Variants in RDH13 observed in about 807,000 individuals in gnomAD.
RDH13 encodes retinol dehydrogenase 13 (all-trans and 9-cis).
Under a neutral mutation model 28.3 loss-of-function variants are expected in RDH13, and 35 were observed. The observed-to-expected ratio is 1.24, with a 90% CI of 0.95 to 1.64. The LOEUF is 1.64. Ranked by LOEUF, RDH13 falls within the 40% of genes most tolerant of loss-of-function variation. RDH13 has a pLI of 0.00. For missense variants in RDH13, 514 were observed against 446.3 expected (o/e 1.15, Z -1.37); for synonymous variants, 229 against 198.5 (o/e 1.15, Z -1.29).
rs891311700 is a variant in RDH13 at position 55,060,154 on chromosome 19, A to G, written c.66-879T>C. ...CTGTGCTGAGGTGGATTGGTAAAAG[A>G]GGAAAGCCTCTTGCAGTTGAGAGAG... On this transcript the variant is annotated intron_variant, in intron 1 of 6. Transcript: ENST00000415061. 2.9e-4 allele frequency among the ~76,000 whole-genome samples: 41 copies of G among 141,008 alleles called. 1 individual carries two copies. Among genetic ancestry groups the G allele is most frequent in the African/African-American group, 1.0e-3 (39 of 38,204 alleles). 92.5% of individuals were successfully genotyped at this position (141,008 alleles called of 152,430 possible). A position where few individuals can be genotyped will look rare whatever the true frequency, so the allele number is the denominator to read the frequency against.
chr19:55,047,456 C>T lies in RDH13; in HGVS notation c.691G>A (p.Gly231Ser), dbSNP rs767663262. Residue 231 changes from glycine to serine, a missense_variant, in exon 6 of 7, where the codon GGC (glycine) becomes AGC (serine). Transcript: ENST00000415061. ...CTGCCCAGCTCTGTCCTGGCCACGC[C>T]GGGGTGCAGGGCGTTGACAGTCACA... ...SGVTVNALHP[G>S]VARTELGRHT... The T allele has an allele frequency of 2.7e-5, 44 of 1,609,832 alleles. No homozygotes were observed. Among genetic ancestry groups the T allele is most frequent in the African/African-American group, 4.0e-5 (3 of 74,894 alleles).
At position 55,063,119 on chromosome 19, in the gene RDH13, C is replaced by G; in HGVS notation, c.-87G>C. The G allele has an allele frequency of 2.5e-6, 3 of 1,178,980 alleles. No individual in the cohort carries two copies. Among genetic ancestry groups the G allele is most frequent in the Non-Finnish European group, 3.3e-6 (3 of 921,606 alleles). The allele number at this position is 1,178,980 out of a possible 1,614,324, so 73.0% of individuals were successfully genotyped here. ...GCCTGGGTAGCTCCGAGGAAGAGCG[C>G]GCGACGCAGCCACAGGCGAGCGGAG... On this transcript the variant is annotated 5_prime_UTR_variant, in exon 1 of 7. Transcript: ENST00000415061.
chr19:55,056,372 C>T (rs369962531), intron 3 of RDH13, among the ~76,000 whole-genome samples: 9 of 152,142 alleles, frequency 5.9e-5, no homozygotes, highest in East Asian at 1.9e-4. Context: ...CTGAGGTCCG[C>T]GCTTGAACCC....
At chr19:55,053,063 TCTTTG>T (rs1211976304) in intron 3 of RDH13, among the ~76,000 whole-genome samples, 3 of 152,154 alleles carry the variant, frequency 2.0e-5, no homozygotes, top group Non-Finnish European at 4.4e-5. Flanking sequence ...TTCCTGGGGC[TCTTTG>T]CTTTGTGTTC....
chr19:55,062,826 T>G, intron 1 of RDH13, 142 bp downstream of exon 1: 3 of 676,302 alleles, frequency 4.4e-6, no homozygotes, highest in Non-Finnish European at 6.7e-6. Context: ...GAGCGCAGGT[T>G]TGCCCCACTC....
chr19:55,049,736 C>T (rs1294902320), intron 3 of RDH13, among the ~76,000 whole-genome samples: 3 of 151,118 alleles, frequency 2.0e-5, no homozygotes, highest in African/African-American at 7.3e-5. Flanking sequence ...GTGCAGTGAG[C>T]CGAGATCGCA....
intron 3 of RDH13, among the ~76,000 whole-genome samples, chr19:55,056,436 G>A (rs780288055): frequency 2.8e-4 from 43 of 151,402 alleles, no homozygotes; most frequent in Non-Finnish European, 4.6e-4. Flanking sequence ...CAGCCTGGCC[G>A]ACAGAGTGAG....
chr19:55,045,749 C>T (rs1287982658), intron 6 of RDH13, among the ~76,000 whole-genome samples: 1 of 151,724 alleles, frequency 6.6e-6, no homozygotes, highest in Admixed American at 6.6e-5. Flanking sequence ...AGTTCCAGAC[C>T]AGCCTGGCCA....
At chr19:55,043,738 T>TCCCCAGTAGC (rs2075105196), downstream of RDH13, among the ~76,000 whole-genome samples, 2 of 152,062 alleles carry the variant, frequency 1.3e-5, no homozygotes, top group Non-Finnish European at 2.9e-5. Flanking sequence ...AAAACATGTT[T>TCCCCAGTAGC]TCTATCTCGA....
chr19:55,062,152 C>T (rs2075827096), intron 1 of RDH13, among the ~76,000 whole-genome samples: 1 of 152,044 alleles, frequency 6.6e-6, no homozygotes, highest in East Asian at 1.9e-4. Context: ...AACACATCAG[C>T]GAGAACCTCT....
intron 1 of RDH13, 48 bp from the exon 2 acceptor site, chr19:55,059,323 C>T: frequency 7.9e-7 from 1 of 1,264,486 alleles, no homozygotes; most frequent in Non-Finnish European, 1.1e-6. Flanking sequence ...CACTCTCACC[C>T]CACGTGCCCC....
chr19:55,052,074 T>C (rs1013639761), intron 3 of RDH13, among the ~76,000 whole-genome samples: 11 of 33,246 alleles, frequency 3.3e-4, no homozygotes, highest in African/African-American at 9.2e-4. Context: ...TTTTTTTTTT[T>C]TTTTTTTTTT....
chr19:55,042,122 T>C (rs2075048287), downstream of RDH13: 1 of 135,548 alleles, frequency 7.4e-6, no homozygotes, highest in Non-Finnish European at 1.6e-5. Context: ...TAGGTTCCTG[T>C]TTGGGGTTTG....
chr19:55,062,979 G>T lies in RDH13; in HGVS notation c.54C>A (p.Ala18=). 6.8e-7 allele frequency: 1 copy of T among 1,477,828 alleles called. No individual in the cohort carries two copies. Among genetic ancestry groups the T allele is most frequent in the South Asian group, 1.3e-5 (1 of 74,866 alleles). 91.5% of individuals were successfully genotyped at this position (1,477,828 alleles called of 1,614,324 possible). The change falls in exon 1 of 7, where the codon GCC becomes GCA. Residue 18 remains alanine (A), a synonymous_variant. Coordinates refer to ENST00000415061, the MANE Select transcript of RDH13 (RefSeq NM_001145971.2). ...TAGAATGTACTCACTTGAGCAGCAC[G>T]GCGGCGCCTGCTACCGTGCCCAGCG... ...LSALGTVAGA[A]VLLKDYVTGG...
intron 3 of RDH13, among the ~76,000 whole-genome samples, chr19:55,055,089 A>ACAAGACTAGAAAGATC (rs2075587703): frequency 6.6e-6 from 1 of 152,116 alleles, no homozygotes; most frequent in Admixed American, 6.6e-5. Context: ...CCTATTATAA[A>ACAAGACTAGAAAGATC]CAAGACTAGA....
At chr19:55,047,106 C>T (rs1171390336) in intron 6 of RDH13, 1 of 1,351,578 alleles carries the variant, frequency 7.4e-7, no homozygotes, top group African/African-American at 1.5e-5. Context: ...TGGAGTTACC[C>T]TGAGTACAGC....
chr19:55,047,312 G>A, intron 6 of RDH13, 75 bp downstream of exon 6: 1 of 1,554,688 alleles, frequency 6.4e-7, no homozygotes, highest in Non-Finnish European at 8.7e-7. Flanking sequence ...CTCTGAGGGA[G>A]GGTCCTGGGC....
chr19:55,049,808 C>T (rs1314268863), intron 3 of RDH13, among the ~76,000 whole-genome samples: 42 of 130,004 alleles, frequency 3.2e-4, no homozygotes, highest in South Asian at 2.5e-4. Context: ...AAAAAAAAAT[C>T]ACAGTCCCAG....
At chr19:55,047,859 A>C (rs548212595) in intron 5 of RDH13, 4 of 475,018 alleles carry the variant, frequency 8.4e-6, no homozygotes, top group East Asian at 4.3e-5. Flanking sequence ...AGATTTCTCA[A>C]TCTCAGCACT....
Sources: gnomAD v4.1 joint callset for allele counts (sites outside exome capture counted in the v4.1 genomes callset) on GRCh38, gnomAD v4.1.1 for gene constraint, MANE v1.5 for transcripts, NCBI Gene and HGNC (gene_info 2026-07-23, HGNC 2026-07-21) for gene names.